Variants in FRY observed in about 807,000 individuals in gnomAD.
The protein encoded by FRY is FRY microtubule binding protein.
A neutral mutation model predicts 348.4 loss-of-function variants in FRY; 128 were observed. That is an observed-to-expected ratio of 0.37 (90% confidence interval 0.32 to 0.43). The LOEUF is 0.43. Among genes scored for constraint, FRY ranks in the 20% least tolerant of loss-of-function variants. FRY has a pLI of 1.00. For missense variants in FRY, 2,736 were observed against 3,695.2 expected (o/e 0.74, Z 6.73); for synonymous variants, 1,370 against 1,374.7 (o/e 1.00, Z 0.08).
In FRY at chr13:32,179,797, C is replaced by G; in HGVS notation, c.2994C>G (p.Phe998Leu). The G allele has an allele frequency of 2.5e-6, 4 of 1,613,240 alleles. No homozygotes were observed. In the African/African-American group the frequency reaches 4.0e-5, roughly 16 times the overall value. ...LGFGRTNSLV[F>L]RELVEELHPL... ...TTGGAAGAACAAATTCCCTTGTTTT[C>G]AGGTACAGTAGTCTTAATGAGTTGT... Residue 998 changes from phenylalanine (F) to leucine (L), a missense_variant and splice_region_variant, in exon 23 of 61, where the codon TTC becomes TTG. Phe to Leu is a conservative substitution (Grantham distance 22). Around this residue, in one of 9 missense-constraint regions of FRY, gnomAD observed 449 missense variants for 576.9 expected, o/e 0.78. Transcript: ENST00000542859.
At chr13:32,054,579 A>G (rs1873519526) in intron 1 of FRY, among the ~76,000 whole-genome samples, 2 of 152,138 alleles carry the variant, frequency 1.3e-5, no homozygotes, top group Non-Finnish European at 2.9e-5. Context: ...AGGCTGTTTA[A>G]AGGTAAGAAA....
intron 2 of FRY, among the ~76,000 whole-genome samples, chr13:32,092,640 C>T (rs1024639263): frequency 1.3e-5 from 2 of 152,118 alleles, no homozygotes; most frequent in African/African-American, 2.4e-5. Context: ...AATTCTTCAG[C>T]GCAGGAGAAA....
chr13:32,095,620 G>A (rs1168785242), intron 2 of FRY, among the ~76,000 whole-genome samples: 1 of 152,092 alleles, frequency 6.6e-6, no homozygotes, highest in Non-Finnish European at 1.5e-5. Flanking sequence ...TGAGATTATA[G>A]GCGTGAGCCA....
chr13:32,286,293 G>A (rs1889047832), intron 58 of FRY, among the ~76,000 whole-genome samples: 1 of 152,016 alleles, frequency 6.6e-6, no homozygotes, highest in Non-Finnish European at 1.5e-5. Flanking sequence ...AAACTGTTAG[G>A]TCCTTAAATA....
chr13:32,115,714 C>T (rs1286580774), intron 3 of FRY, among the ~76,000 whole-genome samples: 1 of 151,190 alleles, frequency 6.6e-6, no homozygotes, highest in Non-Finnish European at 1.5e-5. Context: ...TCTTGGGTCT[C>T]ATCTCAAATT....
At chr13:32,094,328 A>G (rs778174870) in intron 2 of FRY, among the ~76,000 whole-genome samples, 1 of 152,208 alleles carries the variant, frequency 6.6e-6, no homozygotes, top group Non-Finnish European at 1.5e-5. Context: ...ATGGGTGTCC[A>G]TCCTCTGAAG....
At chr13:32,059,301 C>T (rs1324147709) in intron 1 of FRY, among the ~76,000 whole-genome samples, 2 of 151,830 alleles carry the variant, frequency 1.3e-5, no homozygotes, top group African/African-American at 2.4e-5. Flanking sequence ...TGCGAATTTT[C>T]AGTTGGGTCT....
chr13:32,052,791 G>A (rs371391396), intron 1 of FRY, among the ~76,000 whole-genome samples: 1 of 152,146 alleles, frequency 6.6e-6, no homozygotes, highest in East Asian at 1.9e-4. Context: ...TTTTAAGTTT[G>A]AATTTAAATT....
chr13:32,096,802 CAAAAAA>C (rs10680393), intron 2 of FRY, among the ~76,000 whole-genome samples: 2 of 77,594 alleles, frequency 2.6e-5, no homozygotes, highest in Non-Finnish European at 4.5e-5. Flanking sequence ...GACTCTGTCT[CAAAAAA>C]AAAAAAAAAA....
intron 1 of FRY, among the ~76,000 whole-genome samples, chr13:32,067,302 A>T (rs937376628): frequency 6.6e-6 from 1 of 152,112 alleles, no homozygotes; most frequent in Non-Finnish European, 1.5e-5. Flanking sequence ...CAGAACAGAG[A>T]CTAGGCCTAA....
rs189169563 is a variant in FRY, at chr13:32,053,533, T to G, written c.70+21668T>G. ...GACGAACTGTCTCGGTCCCAGACTG[T>G]GTTAGTTTTCCAAGGTCCCACGGCT... On this transcript the variant is annotated intron_variant, in intron 1 of 60. Transcript: ENST00000542859. Among the ~76,000 whole-genome samples, 47 of 152,338 alleles carry G rather than the reference T, an allele frequency of 3.1e-4. 1 individual carries two copies. The highest frequency in any genetic ancestry group is 2.7e-3 in the Admixed American group (41 of 15,310).
At chr13:32,093,638 T>A (rs868645015) in intron 2 of FRY, among the ~76,000 whole-genome samples, 1 of 152,190 alleles carries the variant, frequency 6.6e-6, no homozygotes, top group African/African-American at 2.4e-5. Context: ...AGGGACGTAA[T>A]GTCTGGGTTT....
intron 28 of FRY, 109 bp from the exon 29 acceptor site, chr13:32,194,034 T>A: frequency 9.1e-7 from 1 of 1,104,078 alleles, no homozygotes; most frequent in East Asian, 2.4e-5. Flanking sequence ...GAAAGCTCGG[T>A]CTTCCCTTTC....
Position 32,253,101 on chromosome 13 carries a change from G to A in FRY, c.7246-1123G>A, listed in dbSNP as rs577705156. ...CCTTTTCAGCTAAAATATTTACCTG[G>A]AGTACATTACAAATAAGAGAAGCAG... On this transcript the variant is annotated intron_variant, in intron 50 of 60. Transcript: ENST00000542859. 2.0e-5 allele frequency among the ~76,000 whole-genome samples: 3 copies of A among 152,230 alleles called. No homozygotes were observed. In the South Asian group the frequency reaches 6.2e-4, roughly 32 times the overall value.
At chr13:32,178,035 C>T in intron 20 of FRY, 142 bp from the exon 21 acceptor site, 1 of 806,392 alleles carries the variant, frequency 1.2e-6, no homozygotes, top group Admixed American at 2.0e-5. Context: ...GTGGTAGGTG[C>T]AGGATTGGTG....
intron 17 of FRY, among the ~76,000 whole-genome samples, chr13:32,161,909 T>C (rs1434784635): frequency 1.3e-5 from 2 of 152,226 alleles, no homozygotes; most frequent in African/African-American, 2.4e-5. Flanking sequence ...CTTAGTTATC[T>C]CATGTTGATC....
Position 32,234,723 on chromosome 13 carries a change from T to C in FRY, c.5677T>C (p.Leu1893=). The C allele has an allele frequency of 6.2e-7, 1 of 1,614,090 alleles. No individual in the cohort carries two copies. Among genetic ancestry groups the C allele is most frequent in the Non-Finnish European group, 8.5e-7 (1 of 1,179,976 alleles). The change falls in exon 42 of 61, where the codon TTG becomes CTG. Residue 1893 remains leucine, a synonymous_variant. Coordinates refer to ENST00000542859, the MANE Select transcript of FRY (RefSeq NM_023037.3). ...AHALSDLLSR[L]VEVIGEHGDE... ...TGCCTTATCTGACCTTCTCTCAAGA[T>C]TGGTGGAGGTGATAGGAGAACATGG... is the stretch of plus-strand genomic sequence containing the variant.
At chr13:32,038,840 G>A (rs1872645013) in intron 1 of FRY, among the ~76,000 whole-genome samples, 1 of 152,138 alleles carries the variant, frequency 6.6e-6, no homozygotes, top group Non-Finnish European at 1.5e-5. Flanking sequence ...GAGAAGCAAG[G>A]CAAGCACTAT....
intron 1 of FRY, among the ~76,000 whole-genome samples, chr13:32,044,367 G>C (rs1362914729): frequency 6.6e-6 from 1 of 152,188 alleles, no homozygotes; most frequent in Non-Finnish European, 1.5e-5. Context: ...CCCTAAGCTA[G>C]GTATCGCAAT....
Sources: allele counts gnomAD v4.1 joint callset (sites outside exome capture counted in the v4.1 genomes callset), GRCh38; gene constraint gnomAD v4.1.1; regional missense constraint gnomAD v4.1.1; transcripts MANE v1.5; gene names NCBI Gene and HGNC (gene_info 2026-07-23, HGNC 2026-07-21).